The following MAPKAP1 variants were observed in gnomAD, a reference collection of about 807,000 sequenced individuals.
MAPKAP1 encodes the protein target of rapamycin complex 2 subunit MAPKAP1.
A neutral mutation model predicts 65.7 loss-of-function variants in MAPKAP1; 20 were observed. The ratio of observed to expected loss-of-function variants is 0.30; its 90% CI spans 0.21 to 0.44. MAPKAP1 has a LOEUF of 0.44. Ranked by LOEUF, MAPKAP1 falls within the 20% of genes least tolerant of loss-of-function variation. The probability of loss-of-function intolerance (pLI) is 1.00; values close to 1 mark genes in which losing one functional copy is unlikely to be tolerated. For synonymous variants in MAPKAP1, 222 were observed against 244.3 expected, an observed-to-expected ratio of 0.91 and a Z score of 0.85; for missense variants, 423 against 648.0, an observed-to-expected ratio of 0.65 and a Z score of 3.77.
chr9:125,672,698 A>G, intron 1 of MAPKAP1, 55 bp from the exon 2 acceptor site: 1 of 1,115,446 alleles, frequency 9.0e-7, no homozygotes, highest in Non-Finnish European at 1.3e-6. Flanking sequence ...AAATGACTGA[A>G]TCATTTTTCA....
chr9:125,699,447 C>G (rs865907853), intron 1 of MAPKAP1, among the ~76,000 whole-genome samples: 18 of 152,212 alleles, frequency 1.2e-4, no homozygotes, highest in South Asian at 8.3e-4. Context: ...TGAACTCAAG[C>G]AATCCTCCCA....
At chr9:125,466,346 T>C (rs900170585) in intron 10 of MAPKAP1, among the ~76,000 whole-genome samples, 5 of 152,062 alleles carry the variant, frequency 3.3e-5, no homozygotes, top group African/African-American at 9.7e-5. Flanking sequence ...AGCACTGCCA[T>C]AGGGGACAGG....
At chr9:125,522,944 T>A (rs1294312706) in intron 7 of MAPKAP1, among the ~76,000 whole-genome samples, 1 of 152,120 alleles carries the variant, frequency 6.6e-6, no homozygotes, top group Non-Finnish European at 1.5e-5. Context: ...CAAAATCACA[T>A]CCCTCCTTTT....
chr9:125,591,544 G>A (rs551711348), intron 4 of MAPKAP1, among the ~76,000 whole-genome samples: 36 of 152,180 alleles, frequency 2.4e-4, no homozygotes, highest in African/African-American at 6.5e-4. Flanking sequence ...AAAAACTATC[G>A]GAATGAATAT....
intron 7 of MAPKAP1, among the ~76,000 whole-genome samples, chr9:125,523,749 T>C (rs368468922): frequency 5.9e-5 from 9 of 152,334 alleles, no homozygotes; most frequent in Admixed American, 2.0e-4. Flanking sequence ...GCCTTTGTGA[T>C]CTAACCCTGG....
At chr9:125,587,509 T>C (rs994253392) in intron 4 of MAPKAP1, among the ~76,000 whole-genome samples, 6 of 152,168 alleles carry the variant, frequency 3.9e-5, no homozygotes, top group Admixed American at 3.3e-4. Context: ...GATGTTGCAA[T>C]GAGCCAACAT....
At chr9:125,633,271 A>C (rs564766067) in intron 4 of MAPKAP1, among the ~76,000 whole-genome samples, 3 of 152,332 alleles carry the variant, frequency 2.0e-5, no homozygotes, top group Admixed American at 6.5e-5. Flanking sequence ...AGGGACAGCA[A>C]GGCTGATTGT....
chr9:125,438,298 G>A lies in MAPKAP1; in HGVS notation c.*589C>T, dbSNP rs1852364200. 1.8e-5 allele frequency: 7 copies of A among 398,502 alleles called. No homozygotes were observed. Among genetic ancestry groups the A allele is most frequent in the Admixed American group, 8.8e-5 (2 of 22,732 alleles). The allele number at this position is 398,502 out of a possible 1,614,324, so 24.7% of individuals were successfully genotyped here. A position where few individuals can be genotyped will look rare whatever the true frequency, so the allele number is the denominator to read the frequency against. On this transcript the variant is annotated 3_prime_UTR_variant, in exon 12 of 12. Coordinates refer to ENST00000265960, the MANE Select transcript of MAPKAP1 (RefSeq NM_001006617.3). ...GTAAGACACTACCCTCGAAGCAAAT[G>A]CACTCATTTAAACAAATGGCATAGT...
chr9:125,444,673 A>G (rs1192617811), intron 10 of MAPKAP1, 75 bp from the exon 11 acceptor site: 4 of 997,820 alleles, frequency 4.0e-6, no homozygotes, highest in Non-Finnish European at 6.1e-6. Context: ...GTTCTCCCCT[A>G]TCATTCCAAT....
intron 9 of MAPKAP1, 148 bp from the exon 10 acceptor site, chr9:125,468,257 T>G: frequency 1.3e-6 from 1 of 767,476 alleles, no homozygotes; most frequent in Non-Finnish European, 2.1e-6. Flanking sequence ...ACGGGCTTCC[T>G]GAGACAAACA....
chr9:125,665,943 G>C (rs564662152), intron 3 of MAPKAP1, among the ~76,000 whole-genome samples: 29 of 152,292 alleles, frequency 1.9e-4, no homozygotes, highest in Middle Eastern at 3.4e-3. Context: ...CGAACTTCTT[G>C]AGGAGAGGAT....
chr9:125,598,477 A>G (rs1832204556), intron 4 of MAPKAP1, among the ~76,000 whole-genome samples: 1 of 152,174 alleles, frequency 6.6e-6, no homozygotes, highest in Non-Finnish European at 1.5e-5. Flanking sequence ...TATTATTAAG[A>G]ACGTCAACTG....
intron 8 of MAPKAP1, among the ~76,000 whole-genome samples, chr9:125,505,657 GA>G (rs1337533563): frequency 6.6e-6 from 1 of 152,196 alleles, no homozygotes; most frequent in African/African-American, 2.4e-5. Context: ...CAAAGAATGA[GA>G]AAGAGTTATT....
At chr9:125,455,240 T>C (rs1853120289) in intron 10 of MAPKAP1, among the ~76,000 whole-genome samples, 2 of 152,142 alleles carry the variant, frequency 1.3e-5, no homozygotes, top group Non-Finnish European at 2.9e-5. Flanking sequence ...GTTGTTAGGA[T>C]TACATAACCC....
At chr9:125,517,094 G>A (rs952764299) in intron 7 of MAPKAP1, among the ~76,000 whole-genome samples, 1 of 152,206 alleles carries the variant, frequency 6.6e-6, no homozygotes, top group Non-Finnish European at 1.5e-5. Context: ...TACCCACGGT[G>A]AGGCCAGGAC....
At chr9:125,615,001 CAG>C (rs1832706119) in intron 4 of MAPKAP1, among the ~76,000 whole-genome samples, 1 of 151,896 alleles carries the variant, frequency 6.6e-6, no homozygotes, top group South Asian at 2.1e-4. Context: ...ACCAACTACA[CAG>C]AAAACCAAAA....
intron 1 of MAPKAP1, among the ~76,000 whole-genome samples, chr9:125,699,923 G>C (rs1230413028): frequency 6.6e-6 from 1 of 152,162 alleles, no homozygotes; most frequent in Non-Finnish European, 1.5e-5. Flanking sequence ...CCCAGATTTT[G>C]AATATTTTGA....
intron 3 of MAPKAP1, among the ~76,000 whole-genome samples, chr9:125,666,322 A>G (rs1834339109): frequency 6.6e-6 from 1 of 152,196 alleles, no homozygotes; most frequent in East Asian, 1.9e-4. Context: ...CTCCTCTATG[A>G]AAAGGCTGCC....
At position 125,606,570 on chromosome 9, in the gene MAPKAP1, G is replaced by C. The variant is rs539132114; in HGVS notation, c.499-20843C>G. ...GAGATACTGTCCTCGCACATTCCCT[G>C]AATAGAGCAGATGCTCAAATATTAT... On this transcript the variant is annotated intron_variant, in intron 4 of 11. Coordinates refer to ENST00000265960, the MANE Select transcript of MAPKAP1 (RefSeq NM_001006617.3). Among the ~76,000 whole-genome samples, 96 of 152,268 alleles carry C rather than the reference G, an allele frequency of 6.3e-4. 3 individuals are homozygous for C. In the South Asian group the frequency reaches 0.016, roughly 25 times the overall value.
Sources: gnomAD v4.1 joint callset for allele counts (sites outside exome capture counted in the v4.1 genomes callset) on GRCh38, gnomAD v4.1.1 for gene constraint, MANE v1.5 for transcripts, NCBI Gene and HGNC (gene_info 2026-07-23, HGNC 2026-07-21) for gene names.